Variants in GABRA3 observed in about 807,000 individuals in gnomAD.
The protein encoded by GABRA3 is gamma-aminobutyric acid receptor subunit alpha-3.
Under a neutral mutation model 30.1 loss-of-function variants are expected in GABRA3, and 10 were observed. The ratio of observed to expected loss-of-function variants is 0.33; its 90% CI spans 0.20 to 0.56. The LOEUF is 0.56. Among genes scored for constraint, GABRA3 ranks in the 20% least tolerant of loss-of-function variants. The probability of loss-of-function intolerance (pLI) is 0.89; values close to 1 mark genes in which losing one functional copy is unlikely to be tolerated. For missense variants in GABRA3, 233 were observed against 392.0 expected (o/e 0.59, Z 3.42); for synonymous variants, 151 against 146.8 (o/e 1.03, Z -0.21).
chrX:152,369,323 T>A (rs756614125), intron 1 of GABRA3, among the ~76,000 whole-genome samples: 157 of 104,457 alleles, frequency 1.5e-3, no homozygotes, highest in Non-Finnish European at 2.6e-3. Flanking sequence ...AAACATCATG[T>A]TGTACATGGT....
chrX:152,177,120 C>A (rs762752102), intron 9 of GABRA3, among the ~76,000 whole-genome samples: 2 of 111,630 alleles, frequency 1.8e-5, no homozygotes, highest in Non-Finnish European at 3.8e-5. Flanking sequence ...GGGATTAAGA[C>A]GATGTAAACT....
intron 1 of GABRA3, among the ~76,000 whole-genome samples, chrX:152,383,879 T>A (rs1929220994): frequency 1.9e-5 from 2 of 105,510 alleles, no homozygotes; most frequent in Admixed American, 2.1e-4. Context: ...GAGAAAGAGT[T>A]AAAAAGCATT....
At chrX:152,379,587 T>A (rs1929087045) in intron 1 of GABRA3, among the ~76,000 whole-genome samples, 1 of 111,150 alleles carries the variant, frequency 9.0e-6, no homozygotes, top group South Asian at 3.7e-4. Flanking sequence ...AAGATGATAA[T>A]TAAAATATGA....
chrX:152,347,707 G>T (rs1264332438), intron 2 of GABRA3, among the ~76,000 whole-genome samples: 2 of 112,058 alleles, frequency 1.8e-5, no homozygotes, highest in Non-Finnish European at 3.8e-5. Flanking sequence ...TAGCTTCCAT[G>T]AGAATGCATT....
At chrX:152,169,397 C>A (rs146496340) in intron 9 of GABRA3, among the ~76,000 whole-genome samples, 97 of 112,195 alleles carry the variant, frequency 8.6e-4, no homozygotes, top group African/African-American at 3.0e-3. Flanking sequence ...ATGTCACTGC[C>A]CTTTGGGCTT....
intron 3 of GABRA3, among the ~76,000 whole-genome samples, chrX:152,337,735 C>A (rs1011841232): frequency 3.6e-5 from 4 of 111,457 alleles, no homozygotes; most frequent in African/African-American, 1.3e-4. Flanking sequence ...AGGAAGATCC[C>A]GTGAGCCCAG....
At chrX:152,324,727 G>T (rs1356216645) in intron 3 of GABRA3, among the ~76,000 whole-genome samples, 1 of 111,529 alleles carries the variant, frequency 9.0e-6, no homozygotes, top group South Asian at 3.7e-4. Flanking sequence ...TTGAATAAAA[G>T]AAATAGAAAG....
chrX:152,382,447 G>T (rs1010428727), intron 1 of GABRA3, among the ~76,000 whole-genome samples: 2 of 112,264 alleles, frequency 1.8e-5, no homozygotes, highest in African/African-American at 6.5e-5. Context: ...CCAAAGGATT[G>T]TAAATCATTC....
intron 5 of GABRA3, among the ~76,000 whole-genome samples, chrX:152,232,574 T>C (rs769169419): frequency 9.1e-6 from 1 of 109,661 alleles, no homozygotes; most frequent in South Asian, 3.9e-4. Flanking sequence ...TGCATCCATG[T>C]TGGTGAAAAA....
intron 5 of GABRA3, among the ~76,000 whole-genome samples, chrX:152,238,208 G>C (rs1238649826): frequency 2.9e-5 from 3 of 102,534 alleles, no homozygotes; most frequent in Non-Finnish European, 5.8e-5. Flanking sequence ...ATGAAGGGTT[G>C]TTGAATTTTG....
At chrX:152,296,944 C>A (rs1048031803) in intron 3 of GABRA3, among the ~76,000 whole-genome samples, 1 of 111,017 alleles carries the variant, frequency 9.0e-6, no homozygotes, top group Non-Finnish European at 1.9e-5. Flanking sequence ...AGTGATCCAC[C>A]CGCCTTGGCC....
intron 5 of GABRA3, among the ~76,000 whole-genome samples, chrX:152,244,533 C>T (rs937526225): frequency 9.0e-6 from 1 of 111,447 alleles, no homozygotes; most frequent in Non-Finnish European, 1.9e-5. Context: ...TGTACTGGAG[C>T]CTTGATCTTG....
At chrX:152,315,973 C>CA (rs1939870401) in intron 3 of GABRA3, among the ~76,000 whole-genome samples, 1 of 10,003 alleles carries the variant, frequency 1.0e-4, no homozygotes, top group Non-Finnish European at 2.6e-4. Context: ...GCCCCCCGAC[C>CA]CCCCCCCCCC....
intron 9 of GABRA3, among the ~76,000 whole-genome samples, chrX:152,170,424 C>T (rs1936988414): frequency 8.9e-6 from 1 of 112,388 alleles, no homozygotes; most frequent in African/African-American, 3.2e-5. Flanking sequence ...AGTGATTCTC[C>T]CGCCTCAGGC....
At position 152,309,529 on chromosome X, in the gene GABRA3, A is replaced by G. The variant is rs918197921; in HGVS notation, c.263-24794T>C. On this transcript the variant is annotated intron_variant, in intron 3 of 9. Transcript: ENST00000370314. ...AAAAGAGAAAAAAAAAAAGATTTTT[A>G]TATCCAGCCAAATTAAGCCTCATTA... Among the ~76,000 whole-genome samples, 7 of 111,320 alleles carry G rather than the reference A, an allele frequency of 6.3e-5. No homozygotes were observed. In the East Asian group the frequency reaches 2.0e-3, roughly 31 times the overall value.
At chrX:152,327,788 A>G (rs1338369647) in intron 3 of GABRA3, among the ~76,000 whole-genome samples, 2 of 111,853 alleles carry the variant, frequency 1.8e-5, no homozygotes, top group African/African-American at 3.3e-5. Flanking sequence ...CACAATTAAA[A>G]GAACTAGAGA....
intron 9 of GABRA3, 99 bp from the exon 10 acceptor site, chrX:152,168,662 A>C (rs1936967178): frequency 2.0e-5 from 13 of 651,689 alleles, no homozygotes; most frequent in Non-Finnish European, 3.1e-5. Flanking sequence ...AGGAGGAGCC[A>C]TGAGGGAAGT....
At chrX:152,230,129 T>C (rs1383191888) in intron 5 of GABRA3, among the ~76,000 whole-genome samples, 1 of 111,685 alleles carries the variant, frequency 9.0e-6, no homozygotes, top group Non-Finnish European at 1.9e-5. Context: ...AGTTTCTTTT[T>C]TGAGGTGACT....
chrX:152,238,635 G>C (rs1199422042), intron 5 of GABRA3, among the ~76,000 whole-genome samples: 1 of 108,670 alleles, frequency 9.2e-6, no homozygotes, highest in Non-Finnish European at 1.9e-5. Flanking sequence ...GACTCTTTTT[G>C]GTTGGTAAAC....
Sources: allele counts gnomAD v4.1 joint callset (sites outside exome capture counted in the v4.1 genomes callset), GRCh38; gene constraint gnomAD v4.1.1; transcripts MANE v1.5; gene names NCBI Gene and HGNC (gene_info 2026-07-23, HGNC 2026-07-21).